The following NBAS variants were observed in gnomAD, a reference collection of about 807,000 sequenced individuals.
The protein encoded by NBAS is NBAS subunit of NRZ tethering complex.
In NBAS, 219 loss-of-function variants were observed where a neutral mutation model predicts 302.5. The observed-to-expected ratio is 0.72, with a 90% CI of 0.65 to 0.81. NBAS has a LOEUF of 0.81. Ranked by LOEUF, NBAS falls within the 30% of genes least tolerant of loss-of-function variation. The pLI, the probability that NBAS is intolerant of heterozygous loss-of-function variation, is 0.00. For missense variants in NBAS, 2,932 were observed against 2,841.6 expected (o/e 1.03, Z -0.72); for synonymous variants, 1,118 against 1,021.6 (o/e 1.09, Z -1.80).
the NBAS span, among the ~76,000 whole-genome samples, chr2:15,100,170 A>G: frequency 6.6e-6 from 1 of 152,212 alleles, no homozygotes; most frequent in African/African-American, 2.4e-5. Context: ...GGGGGCCCTG[A>G]TGTAATGACC....
At chr2:15,214,264 C>A (rs1021094455) in intron 48 of NBAS, among the ~76,000 whole-genome samples, 2 of 151,810 alleles carry the variant, frequency 1.3e-5, no homozygotes, top group Admixed American at 1.3e-4. Context: ...GAATTTATAT[C>A]CTAATGGAAG....
the NBAS span, among the ~76,000 whole-genome samples, chr2:15,159,913 T>C: frequency 9.2e-5 from 14 of 152,284 alleles, no homozygotes; most frequent in East Asian, 1.2e-3. Flanking sequence ...CTACTGGCTA[T>C]GCAATTTGGG....
chr2:15,344,231 C>A (rs1672985145), intron 35 of NBAS, among the ~76,000 whole-genome samples: 1 of 151,546 alleles, frequency 6.6e-6, no homozygotes, highest in Non-Finnish European at 1.5e-5. Flanking sequence ...AAAAAAAATT[C>A]TATCAAAAAG....
intron 12 of NBAS, among the ~76,000 whole-genome samples, 172 bp from the exon 13 acceptor site, chr2:15,478,461 T>A (rs1680284545): frequency 6.6e-6 from 1 of 152,218 alleles, no homozygotes; most frequent in Non-Finnish European, 1.5e-5. Flanking sequence ...CAATTGTTCT[T>A]ACACTTAAAA....
chr2:15,312,888 C>T (rs1572637171), intron 38 of NBAS, among the ~76,000 whole-genome samples: 2 of 152,188 alleles, frequency 1.3e-5, no homozygotes, highest in Non-Finnish European at 1.5e-5. Context: ...TCTATTTTCA[C>T]TGCCACAAAC....
chr2:15,561,258 T>A lies in NBAS; in HGVS notation c.47A>T (p.Glu16Val). The change falls in exon 1 of 52, where the codon GAG (glutamate) becomes GTG (valine). Residue 16 changes from glutamate to valine, a missense_variant. Glu to Val is a moderately radical substitution (Grantham distance 121, BLOSUM62 -2). Coordinates refer to ENST00000281513, the MANE Select transcript of NBAS (RefSeq NM_015909.4). ...SGPALSPGTAEGEEETILYDL... is the reference protein window; with the variant it reads ...SGPALSPGTAVGEEETILYDL... ...ATAGAGAATCGTCTCCTCCTCACCCTCTGCAGTGCCTGGACTCAAAGCCGG... is the reference window on the plus strand; with the variant it reads ...ATAGAGAATCGTCTCCTCCTCACCCACTGCAGTGCCTGGACTCAAAGCCGG... The A allele has an allele frequency of 1.2e-6, 2 of 1,613,902 alleles. No individual in the cohort carries two copies. Among genetic ancestry groups the A allele is most frequent in the Non-Finnish European group, 1.7e-6 (2 of 1,180,022 alleles).
At chr2:15,289,096 C>A (rs764681080) in intron 41 of NBAS, among the ~76,000 whole-genome samples, 1 of 151,920 alleles carries the variant, frequency 6.6e-6, no homozygotes, top group Non-Finnish European at 1.5e-5. Context: ...TTATTTTTTG[C>A]GACAGGGTCT....
At chr2:15,545,956 T>A (rs1344881904) in intron 6 of NBAS, among the ~76,000 whole-genome samples, 1 of 152,216 alleles carries the variant, frequency 6.6e-6, no homozygotes, top group Non-Finnish European at 1.5e-5. Context: ...AAATACAATA[T>A]CTAGTGGCTT....
At chr2:15,385,559 C>T (rs1488693835) in intron 28 of NBAS, among the ~76,000 whole-genome samples, 2 of 152,074 alleles carry the variant, frequency 1.3e-5, no homozygotes, top group Non-Finnish European at 2.9e-5. Context: ...AAGAGGTTTG[C>T]AAATTAACAG....
In NBAS at chr2:15,366,566, C is replaced by T. The variant is rs1045530242; in HGVS notation, c.3817+14G>A. 2 of 1,602,108 alleles carry T rather than the reference C, an allele frequency of 1.2e-6. No homozygotes were observed. The highest frequency in any genetic ancestry group is 1.7e-6 in the Non-Finnish European group (2 of 1,169,108). On this transcript the variant is annotated intron_variant, in intron 32 of 51. Coordinates refer to ENST00000281513, the MANE Select transcript of NBAS (RefSeq NM_015909.4). ...AGAAAGCTTATTCTGCAGTTTAGTA[C>T]TCAAAAGACTTACCTGCAACCCTCA...
intron 34 of NBAS, 117 bp downstream of exon 34, chr2:15,353,436 T>C (rs1331403389): frequency 2.4e-6 from 3 of 1,263,738 alleles, no homozygotes; most frequent in African/African-American, 1.5e-5. Flanking sequence ...CAATCTAGTT[T>C]TCTTCCATAA....
At chr2:15,399,742 A>C (rs1039876927) in intron 26 of NBAS, among the ~76,000 whole-genome samples, 169 of 152,326 alleles carry the variant, frequency 1.1e-3, no homozygotes, top group African/African-American at 3.9e-3. Flanking sequence ...CATTCAGTGA[A>C]CACCACAATG....
In NBAS at chr2:15,467,822, C is replaced by T; in HGVS notation, c.1878-18G>A. The stretch of plus-strand genomic sequence containing the variant: ...ATGTAAATCTGCAAGTATAAAAGAA[C>T]AAATATATTTTCATCATTTTTAAAA... On this transcript the variant is annotated intron_variant, in intron 17 of 51. Coordinates refer to ENST00000281513, the MANE Select transcript of NBAS (RefSeq NM_015909.4). The T allele has an allele frequency of 6.4e-7, 1 of 1,555,364 alleles. No homozygotes were observed. The highest frequency in any genetic ancestry group is 8.8e-7 in the Non-Finnish European group (1 of 1,130,186).
At chr2:14,782,302 T>C in the NBAS span, among the ~76,000 whole-genome samples, 1 of 152,056 alleles carries the variant, frequency 6.6e-6, no homozygotes, top group Non-Finnish European at 1.5e-5. Context: ...GCAAAATACA[T>C]GATCAGACAC....
chr2:15,307,050 TCCCGGGGGATGTGATGACAGGAC>T, intron 40 of NBAS, among the ~76,000 whole-genome samples: 1 of 152,190 alleles, frequency 6.6e-6, no homozygotes, highest in African/African-American at 2.4e-5. Flanking sequence ...CTGCCTCCCC[TCCCGGGGGATGTGATGACAGGAC>T]CCCGAAGCTA....
At chr2:14,787,249 C>A in the NBAS span, among the ~76,000 whole-genome samples, 1 of 152,134 alleles carries the variant, frequency 6.6e-6, no homozygotes, top group South Asian at 2.1e-4. Flanking sequence ...GAATACAGCA[C>A]ACTGATGGGT....
the NBAS span, among the ~76,000 whole-genome samples, chr2:14,938,728 A>G: frequency 3.7e-4 from 57 of 152,236 alleles, no homozygotes; most frequent in South Asian, 0.011. Context: ...AACTATAAAC[A>G]CACCGTGTGA....
At chr2:15,422,891 C>T (rs1438046096) in intron 23 of NBAS, among the ~76,000 whole-genome samples, 1 of 152,170 alleles carries the variant, frequency 6.6e-6, no homozygotes, top group Non-Finnish European at 1.5e-5. Context: ...AAGGCTCAAA[C>T]AAAACTTGTC....
chr2:15,276,830 G>A (rs200814005), intron 43 of NBAS, 21 bp downstream of exon 43: 2 of 1,613,788 alleles, frequency 1.2e-6, no homozygotes, highest in East Asian at 2.2e-5. Flanking sequence ...ATGAATTCAA[G>A]CAGGGAAACA....
Sources: allele counts gnomAD v4.1 joint callset (sites outside exome capture counted in the v4.1 genomes callset), GRCh38; gene constraint gnomAD v4.1.1; transcripts MANE v1.5; gene names NCBI Gene and HGNC (gene_info 2026-07-23, HGNC 2026-07-21).